CPE: variants seen among roughly 807,000 people sequenced by gnomAD.
The protein encoded by CPE is carbocypeptidase E.
In CPE, 17 loss-of-function variants were observed where a neutral mutation model predicts 53.5. That is an observed-to-expected ratio of 0.32 (90% confidence interval 0.22 to 0.48). CPE has a LOEUF of 0.48. CPE is among the 20% of genes least tolerant of loss of function. The probability of loss-of-function intolerance (pLI) is 0.99; values close to 1 mark genes in which losing one functional copy is unlikely to be tolerated. For missense variants in CPE, 524 were observed against 614.7 expected (o/e 0.85, Z 1.56); for synonymous variants, 226 against 228.8 (o/e 0.99, Z 0.11).
chr4:165,451,924 A>C, intron 1 of CPE, among the ~76,000 whole-genome samples: 1 of 150,840 alleles, frequency 6.6e-6, no homozygotes. Flanking sequence ...CCGCCCCCCC[A>C]ACCCCCGTTT....
chr4:165,465,977 A>C (rs192601822), intron 2 of CPE, among the ~76,000 whole-genome samples: 1 of 152,326 alleles, frequency 6.6e-6, no homozygotes, highest in Admixed American at 6.5e-5. Flanking sequence ...ATATCTCTTT[A>C]TATTATTAAC....
At chr4:165,489,092 T>C (rs1382508684) in intron 6 of CPE, among the ~76,000 whole-genome samples, 1 of 152,156 alleles carries the variant, frequency 6.6e-6, no homozygotes, top group East Asian at 1.9e-4. Flanking sequence ...ACGATGACTC[T>C]AGAACAACTT....
chr4:165,410,918 C>T (rs913144641), intron 1 of CPE, among the ~76,000 whole-genome samples: 2 of 152,072 alleles, frequency 1.3e-5, no homozygotes, highest in Middle Eastern at 3.2e-3. Flanking sequence ...GGATCACAGT[C>T]TAGCAGAAAG....
Position 165,379,086 on chromosome 4 carries a change from C to A in CPE, c.-136C>A. 1.3e-6 allele frequency: 1 copy of A among 791,134 alleles called. No homozygotes were observed. Among genetic ancestry groups the A allele is most frequent in the Non-Finnish European group, 1.7e-6 (1 of 597,928 alleles). 49.0% of individuals were successfully genotyped at this position (791,134 alleles called of 1,614,324 possible). On this transcript the variant is annotated 5_prime_UTR_variant, in exon 1 of 9. Transcript: ENST00000402744. This position sits in a 1 kb window ranked among gnomAD's most constrained non-coding sequence, Gnocchi z 6.0. ...GTGCGCGGGCTGACACTCATTCAGC[C>A]GGGGAAGGTGAGGCGAGTAGAGGCT...
chr4:165,491,035 C>A (rs1009068633), intron 6 of CPE, among the ~76,000 whole-genome samples: 1 of 152,164 alleles, frequency 6.6e-6, no homozygotes, highest in African/African-American at 2.4e-5. Context: ...GTTGACACAG[C>A]CCATACACTT....
intron 3 of CPE, among the ~76,000 whole-genome samples, chr4:165,472,241 G>T (rs1732219717): frequency 6.6e-6 from 1 of 152,196 alleles, no homozygotes; most frequent in African/African-American, 2.4e-5. Context: ...AGTCCTGAAA[G>T]TTCTTTCTCT....
intron 6 of CPE, among the ~76,000 whole-genome samples, chr4:165,490,449 C>T (rs1195938704): frequency 1.3e-5 from 2 of 151,860 alleles, no homozygotes; most frequent in African/African-American, 4.8e-5. Flanking sequence ...CTGGCTAACA[C>T]GGTGAAACCC....
At chr4:165,444,532 A>T (rs574368471) in intron 1 of CPE, among the ~76,000 whole-genome samples, 2 of 152,000 alleles carry the variant, frequency 1.3e-5, no homozygotes, top group Admixed American at 6.6e-5. Context: ...AAAGAAAAAG[A>T]TATCACCATG....
In CPE at chr4:165,405,331, A is replaced by G. The variant is rs184108240; in HGVS notation, c.307+25803A>G. The G allele has an allele frequency of 5.8e-5, 82 of 1,419,698 alleles. No homozygotes were observed. In the Admixed American group the frequency reaches 1.3e-3, roughly 23 times the overall value. The allele number at this position is 1,419,698 out of a possible 1,614,324, so 87.9% of individuals were successfully genotyped here. On this transcript the variant is annotated intron_variant, in intron 1 of 8. Coordinates refer to ENST00000402744, the MANE Select transcript of CPE (RefSeq NM_001873.4). ...TATTCTTCTTGCACAGGACCTGACCATGGTAGAGTCCCATCAAGGCCTTTG... is the reference window on the plus strand; with the variant it reads ...TATTCTTCTTGCACAGGACCTGACCGTGGTAGAGTCCCATCAAGGCCTTTG...
At chr4:165,387,272 T>C (rs1560866215) in intron 1 of CPE, among the ~76,000 whole-genome samples, 1 of 152,216 alleles carries the variant, frequency 6.6e-6, no homozygotes, top group African/African-American at 2.4e-5. Flanking sequence ...AAGAGATGGC[T>C]GTTAAGCAAA....
At position 165,425,195 on chromosome 4, in the gene CPE, C is replaced by T. The variant is rs190817797; in HGVS notation, c.308-39195C>T. On this transcript the variant is annotated intron_variant, in intron 1 of 8. Transcript: ENST00000402744. ...GCCAGGCGGAAACTTCTTTTTAATT[C>T]CACTGTTGCTTACTATAAAGATAAT... is the stretch of plus-strand genomic sequence containing the variant. Among the ~76,000 whole-genome samples the T allele has an allele frequency of 4.5e-4, 69 of 152,088 alleles. 1 individual carries two copies. In the East Asian group the frequency reaches 0.011, roughly 24 times the overall value.
chr4:165,426,995 T>A (rs1222377867), intron 1 of CPE, among the ~76,000 whole-genome samples: 1 of 152,178 alleles, frequency 6.6e-6, no homozygotes, highest in Non-Finnish European at 1.5e-5. Context: ...CTCATTTGCA[T>A]AAGGTGCAAA....
rs1732473817 is a variant in CPE at position 165,484,637 on chromosome 4, T to A, written c.973+33T>A. ...TCCATTGTGCTCTCTGATTATGTGA[T>A]TGTAGCTTATTTACAATGACCATTT... On this transcript the variant is annotated intron_variant, in intron 5 of 8. Coordinates refer to ENST00000402744, the MANE Select transcript of CPE (RefSeq NM_001873.4). 4 of 1,586,132 alleles carry A rather than the reference T, an allele frequency of 2.5e-6. No individual in the cohort carries two copies. The South Asian group carries it at 3.4e-5, about 13-fold the overall frequency.
chr4:165,408,830 C>T (rs1730992695), intron 1 of CPE, among the ~76,000 whole-genome samples: 1 of 152,102 alleles, frequency 6.6e-6, no homozygotes, highest in South Asian at 2.1e-4. Flanking sequence ...GAAGAGCCTT[C>T]AGTTGGGGTG....
chr4:165,410,822 C>T (rs1333354346), intron 1 of CPE, among the ~76,000 whole-genome samples: 1 of 150,438 alleles, frequency 6.6e-6, no homozygotes, highest in Non-Finnish European at 1.5e-5. Flanking sequence ...GGCAGAAAGA[C>T]TGTGTGTGTG....
chr4:165,497,300 A>T (rs1732718285), intron 8 of CPE, among the ~76,000 whole-genome samples: 1 of 152,230 alleles, frequency 6.6e-6, no homozygotes, highest in African/African-American at 2.4e-5. Context: ...ATTAAATCAA[A>T]GGACATTTCA....
intron 4 of CPE, 30 bp downstream of exon 4, chr4:165,482,389 T>C: frequency 2.0e-6 from 3 of 1,476,826 alleles, no homozygotes; most frequent in Non-Finnish European, 2.8e-6. Context: ...CTCTTATTGG[T>C]TCAAAGTTTA....
chr4:165,467,117 G>A (rs912552881), intron 2 of CPE, among the ~76,000 whole-genome samples: 1 of 152,168 alleles, frequency 6.6e-6, no homozygotes, highest in African/African-American at 2.4e-5. Flanking sequence ...AAGGCCAGGA[G>A]TTTGAGACCA....
chr4:165,482,204 A>T (rs972676357), intron 3 of CPE, 38 bp from the exon 4 acceptor site: 11 of 1,359,378 alleles, frequency 8.1e-6, no homozygotes, highest in Non-Finnish European at 1.1e-5. Flanking sequence ...ACCAATGATT[A>T]TTAAATTTAT....
Sources: allele counts gnomAD v4.1 joint callset (sites outside exome capture counted in the v4.1 genomes callset), GRCh38; gene constraint gnomAD v4.1.1; non-coding constraint Gnocchi (gnomAD v3.1); transcripts MANE v1.5; gene names NCBI Gene and HGNC (gene_info 2026-07-23, HGNC 2026-07-21).